GPC4: variants seen among roughly 807,000 people sequenced by gnomAD.
GPC4 encodes glypican 4.
In GPC4, 10 loss-of-function variants were observed where a neutral mutation model predicts 35.0. The ratio of observed to expected loss-of-function variants is 0.29; its 90% CI spans 0.18 to 0.48. GPC4 has a LOEUF of 0.48. GPC4 is among the 20% of genes least tolerant of loss of function. GPC4 has a pLI of 0.99. For synonymous variants in GPC4, 167 were observed against 170.2 expected (o/e 0.98, Z 0.15); for missense variants, 322 against 451.3 (o/e 0.71, Z 2.60).
intron 1 of GPC4, among the ~76,000 whole-genome samples, chrX:133,395,676 T>A (rs1004577750): frequency 1.8e-5 from 2 of 111,371 alleles, no homozygotes; most frequent in Non-Finnish European, 3.8e-5. Context: ...TGGTACGAAT[T>A]TTTTTAAAGT....
At chrX:133,380,156 G>T (rs1412649241) in intron 1 of GPC4, among the ~76,000 whole-genome samples, 1 of 110,427 alleles carries the variant, frequency 9.1e-6, no homozygotes, top group African/African-American at 3.3e-5. Flanking sequence ...GGCTAAGACG[G>T]CAAAACCCCA....
At chrX:133,304,372 C>G (rs2068281819) in intron 7 of GPC4, among the ~76,000 whole-genome samples, 1 of 111,650 alleles carries the variant, frequency 9.0e-6, no homozygotes, top group Non-Finnish European at 1.9e-5. Context: ...CACAGGGCAT[C>G]AAGTCAGAGA....
chrX:133,327,523 G>A (rs1016515281), intron 2 of GPC4, among the ~76,000 whole-genome samples: 1 of 110,433 alleles, frequency 9.1e-6, no homozygotes, highest in Non-Finnish European at 1.9e-5. Flanking sequence ...CTACTTTGGA[G>A]TACAAGAGAA....
At chrX:133,355,913 C>T (rs1240496224) in intron 1 of GPC4, among the ~76,000 whole-genome samples, 1 of 111,713 alleles carries the variant, frequency 9.0e-6, no homozygotes, top group Admixed American at 9.5e-5. Flanking sequence ...TCCCTTCCAC[C>T]ATGATTGAAA....
chrX:133,361,567 GA>G lies in GPC4; in HGVS notation c.161-22227del, dbSNP rs1187656868. ...GAGGAAATAGATCCAAAACACTCAA[GA>G]AAAAAAAAAAAACAAGATGATTAAG... On this transcript the variant is annotated intron_variant, in intron 1 of 8. Transcript: ENST00000370828. Among the ~76,000 whole-genome samples the G allele has an allele frequency of 8.0e-3, 723 of 90,749 alleles. 9 individuals carry two copies. The highest frequency in any genetic ancestry group is 0.026 in the African/African-American group (650 of 25,137). 78.8% of individuals were successfully genotyped at this position (90,749 alleles called of 115,157 possible). A position where few individuals can be genotyped will look rare whatever the true frequency, so the allele number is the denominator to read the frequency against.
At chrX:133,382,803 T>C (rs1255271875) in intron 1 of GPC4, among the ~76,000 whole-genome samples, 2 of 112,899 alleles carry the variant, frequency 1.8e-5, no homozygotes, top group African/African-American at 6.4e-5. Context: ...ACTGAAGATA[T>C]ATACATGGTA....
intron 1 of GPC4, among the ~76,000 whole-genome samples, chrX:133,411,027 A>G (rs1743627247): frequency 8.9e-6 from 1 of 112,252 alleles, no homozygotes; most frequent in African/African-American, 3.2e-5. Context: ...TTAAAGACAC[A>G]TGCTGTGTGT....
At chrX:133,312,689 G>A (rs368313691) in intron 3 of GPC4, among the ~76,000 whole-genome samples, 1 of 82,213 alleles carries the variant, frequency 1.2e-5, no homozygotes, top group African/African-American at 7.4e-5. Context: ...GAAAGAAAAA[G>A]AAAGAAAGGA....
rs1720774771 is a variant in GPC4, at chrX:133,305,873, T to C, written c.1054A>G (p.Ile352Val). ...GCACTTTCAGAGATGGAACGAGAAA[T>C]TCGTCCAGCTGGGAGGGGCTTGGGG... is the stretch of plus-strand genomic sequence containing the variant. ...GPPKPLPAGR[I>V]SRSISESAFS... Residue 352 changes from isoleucine to valine, a missense_variant, in exon 6 of 9, where the codon ATT becomes GTT. By Grantham distance (29) the Ile-to-Val change is conservative (BLOSUM62 3). Transcript: ENST00000370828. 8.3e-6 allele frequency: 10 copies of C among 1,211,112 alleles called. No individual in the cohort carries two copies. Among genetic ancestry groups the C allele is most frequent in the Non-Finnish European group, 1.1e-5 (10 of 895,405 alleles).
At chrX:133,357,414 T>C (rs1353344850) in intron 1 of GPC4, among the ~76,000 whole-genome samples, 3 of 106,150 alleles carry the variant, frequency 2.8e-5, no homozygotes, top group Non-Finnish European at 5.8e-5. Flanking sequence ...TTTTTAGAGA[T>C]GGCGTCTCTG....
chrX:133,331,922 T>C (rs1248831018), intron 2 of GPC4, among the ~76,000 whole-genome samples: 1 of 111,128 alleles, frequency 9.0e-6, no homozygotes, highest in African/African-American at 3.3e-5. Context: ...TCTTTCTTGA[T>C]TTTGTTCCCC....
chrX:133,395,428 G>T (rs1451586794), intron 1 of GPC4, among the ~76,000 whole-genome samples: 2 of 110,054 alleles, frequency 1.8e-5, no homozygotes, highest in Non-Finnish European at 3.8e-5. Flanking sequence ...TTCAAGACCA[G>T]CCTGACCAAC....
intron 1 of GPC4, among the ~76,000 whole-genome samples, chrX:133,390,529 C>CTTGG: frequency 9.0e-6 from 1 of 111,664 alleles, no homozygotes; most frequent in Admixed American, 9.6e-5. Flanking sequence ...CAAGGAGGGA[C>CTTGG]AGGAGTTGCT....
Position 133,303,170 on chromosome X carries a change from A to G in GPC4, c.1464T>C (p.Asp488=). The G allele has an allele frequency of 8.3e-7, 1 of 1,211,437 alleles. No individual in the cohort carries two copies. Among genetic ancestry groups the G allele is most frequent in the South Asian group, 1.8e-5 (1 of 56,863 alleles). Residue 488 remains aspartate (D), a synonymous_variant, in exon 8 of 9, where the codon GAT becomes GAC. Transcript: ENST00000370828. ...AYNGNDVDFF[D]ISDESSGEGS... is the part of the protein sequence containing the mutation. Reference sequence around the variant, plus strand: ...TTTCAAACCACAAATGCTTACTGATATCAAAGAAGTCCACGTCGTTCCCAT... The same window carrying G: ...TTTCAAACCACAAATGCTTACTGATGTCAAAGAAGTCCACGTCGTTCCCAT...
chrX:133,364,205 T>C (rs755903404), intron 1 of GPC4, among the ~76,000 whole-genome samples: 27 of 112,151 alleles, frequency 2.4e-4, no homozygotes, highest in Admixed American at 1.1e-3. Flanking sequence ...GAAACCCTTT[T>C]AGAACACTAA....
intron 3 of GPC4, among the ~76,000 whole-genome samples, chrX:133,312,970 A>G (rs1039343683): frequency 8.9e-6 from 1 of 111,841 alleles, no homozygotes; most frequent in Non-Finnish European, 1.9e-5. Flanking sequence ...GCAGCTAATT[A>G]AAAGTTCCTG....
chrX:133,349,966 T>C (rs1271130164), intron 1 of GPC4, among the ~76,000 whole-genome samples: 2 of 111,621 alleles, frequency 1.8e-5, no homozygotes, highest in African/African-American at 6.5e-5. Flanking sequence ...TTTTTAGTAA[T>C]TGCTTTCAGC....
At chrX:133,309,441 G>C in intron 4 of GPC4, among the ~76,000 whole-genome samples, 1 of 112,645 alleles carries the variant, frequency 8.9e-6, no homozygotes, top group Non-Finnish European at 1.9e-5. Context: ...ATATGGACCT[G>C]TAAACTCCAG....
chrX:133,373,409 A>C (rs909640953), intron 1 of GPC4, among the ~76,000 whole-genome samples: 3 of 112,027 alleles, frequency 2.7e-5, no homozygotes, highest in African/African-American at 9.7e-5. Flanking sequence ...ACACACACAC[A>C]CAGAGCATAA....
Sources: allele counts gnomAD v4.1 joint callset (sites outside exome capture counted in the v4.1 genomes callset), GRCh38; gene constraint gnomAD v4.1.1; transcripts MANE v1.5; gene names NCBI Gene and HGNC (gene_info 2026-07-23, HGNC 2026-07-21).